ARIH1: variants seen among roughly 807,000 people sequenced by gnomAD.
ARIH1 encodes ariadne RBR E3 ubiquitin protein ligase 1.
In ARIH1, 8 loss-of-function variants were observed where a neutral mutation model predicts 85.0. That is an observed-to-expected ratio of 0.09 (90% CI 0.06 to 0.17). ARIH1 has a LOEUF of 0.17. Ranked by LOEUF, ARIH1 falls within the 10% of genes least tolerant of loss-of-function variation. The probability of loss-of-function intolerance (pLI) is 1.00; values close to 1 mark genes in which losing one functional copy is unlikely to be tolerated. For missense variants in ARIH1, 311 were observed against 718.1 expected, an observed-to-expected ratio of 0.43 and a Z score of 6.48; for synonymous variants, 238 against 253.6, an observed-to-expected ratio of 0.94 and a Z score of 0.59.
intron 5 of ARIH1, among the ~76,000 whole-genome samples, chr15:72,557,399 ATTTG>A (rs2064179045): frequency 6.6e-6 from 1 of 151,844 alleles, no homozygotes; most frequent in Admixed American, 6.6e-5. Flanking sequence ...AAATGGGGTT[ATTTG>A]TTTTTTGCTT....
chr15:72,538,075 G>A (rs2064090657), intron 2 of ARIH1, among the ~76,000 whole-genome samples: 1 of 152,130 alleles, frequency 6.6e-6, no homozygotes, highest in South Asian at 2.1e-4. Context: ...TTAAGAATAA[G>A]CATAGAGGCT....
chr15:72,580,119 C>A (rs892071571), intron 11 of ARIH1, among the ~76,000 whole-genome samples: 1 of 152,094 alleles, frequency 6.6e-6, no homozygotes, highest in Non-Finnish European at 1.5e-5. Context: ...CTCTGGTAAC[C>A]GTCATTATAC....
At position 72,499,218 on chromosome 15, in the gene ARIH1, C is replaced by T. The variant is rs77918673; in HGVS notation, c.376-18849C>T. ...CTCGAACTTCTGATCTCAAATGATC[C>T]ACCTGCCTTGGCCTCCCAAAGTGTT... is the stretch of plus-strand genomic sequence containing the variant. On this transcript the variant is annotated intron_variant, in intron 1 of 13. Transcript: ENST00000379887. Among the ~76,000 whole-genome samples, 1,138 of 152,008 alleles carry T rather than the reference C, an allele frequency of 7.5e-3. 10 individuals carry two copies. The highest frequency in any genetic ancestry group is 0.026 in the African/African-American group (1,065 of 41,462).
chr15:72,489,933 TAG>T (rs1239103462), intron 1 of ARIH1, among the ~76,000 whole-genome samples: 1 of 152,172 alleles, frequency 6.6e-6, no homozygotes, highest in African/African-American at 2.4e-5. Context: ...TGTGGATAAG[TAG>T]AGTCTTGTTA....
intron 2 of ARIH1, among the ~76,000 whole-genome samples, chr15:72,519,676 G>T (rs1214944992): frequency 6.6e-6 from 1 of 151,518 alleles, no homozygotes; most frequent in Non-Finnish European, 1.5e-5. Flanking sequence ...TAGAAATGAG[G>T]TTTCTCAGTG....
intron 11 of ARIH1, among the ~76,000 whole-genome samples, chr15:72,574,790 G>C (rs1230979644): frequency 6.6e-6 from 1 of 152,074 alleles, no homozygotes; most frequent in African/African-American, 2.4e-5. Context: ...TTATTTACTG[G>C]CTGGGCATGA....
intron 2 of ARIH1, among the ~76,000 whole-genome samples, chr15:72,536,797 A>C (rs2064083808): frequency 6.6e-6 from 1 of 152,144 alleles, no homozygotes; most frequent in African/African-American, 2.4e-5. Flanking sequence ...AGTAGTATTA[A>C]TTAGTAGCTG....
At position 72,593,286 on chromosome 15, in the gene ARIH1, T is replaced by C. The variant is rs1266994656; in HGVS notation, c.*9994T>C. ...GGTGTTATTCTTTGTATTTTGAATA[T>C]AAATCCTTTGATAGATATGCTATGA... On this transcript the variant is annotated 3_prime_UTR_variant, in exon 14 of 14. Transcript: ENST00000379887. 1 of 152,150 alleles carries C rather than the reference T, an allele frequency of 6.6e-6. No homozygotes were observed. The highest frequency in any genetic ancestry group is 1.5e-5 in the Non-Finnish European group (1 of 68,020). 9.4% of individuals were successfully genotyped at this position (152,150 alleles called of 1,614,324 possible).
intron 9 of ARIH1, 92 bp from the exon 10 acceptor site, chr15:72,570,085 A>C (rs993863737): frequency 1.4e-6 from 2 of 1,465,192 alleles, no homozygotes; most frequent in Non-Finnish European, 1.9e-6. Context: ...AAAATGTTTA[A>C]AAACAAACCA....
chr15:72,557,088 T>C (rs1436033226), intron 5 of ARIH1, among the ~76,000 whole-genome samples: 2 of 152,206 alleles, frequency 1.3e-5, no homozygotes, highest in East Asian at 1.9e-4. Context: ...CCAACATCTG[T>C]TATTTTTTTA....
At chr15:72,498,808 C>T (rs1448180266) in intron 1 of ARIH1, among the ~76,000 whole-genome samples, 1 of 150,906 alleles carries the variant, frequency 6.6e-6, no homozygotes, top group Non-Finnish European at 1.5e-5. Context: ...CCACTGCATT[C>T]CAGCCTGGGC....
chr15:72,563,530 G>A lies in ARIH1; in HGVS notation c.911+30G>A, dbSNP rs1419402171. On this transcript the variant is annotated intron_variant, in intron 7 of 13. Transcript: ENST00000379887. The stretch of plus-strand genomic sequence containing the variant: ...GCAAGTGATTTCCTAAATTGAAATA[G>A]TGCACAAAGCGTTTCCATTTCTCCT... 5 of 1,550,310 alleles carry A rather than the reference G, an allele frequency of 3.2e-6. No individual in the cohort carries two copies. The East Asian group carries it at 1.1e-4, about 35-fold the overall frequency.
chr15:72,482,958 A>C (rs2063822297), intron 1 of ARIH1, among the ~76,000 whole-genome samples: 1 of 151,084 alleles, frequency 6.6e-6, no homozygotes, highest in African/African-American at 2.4e-5. Context: ...CTCTTACCTC[A>C]GCCTCCTGAG....
chr15:72,488,854 A>G (rs1389651493), intron 1 of ARIH1, among the ~76,000 whole-genome samples: 3 of 152,216 alleles, frequency 2.0e-5, no homozygotes, highest in African/African-American at 7.2e-5. Flanking sequence ...CAAGCTTCTT[A>G]AGGTCCCTGA....
chr15:72,573,556 A>G (rs1015098603), intron 11 of ARIH1, among the ~76,000 whole-genome samples: 3 of 152,116 alleles, frequency 2.0e-5, no homozygotes, highest in Non-Finnish European at 2.9e-5. Flanking sequence ...CGCTAAATAA[A>G]TAAATAAATA....
chr15:72,488,105 G>A lies in ARIH1; in HGVS notation c.375+13091G>A, dbSNP rs570163782. ...GGCTGGAGTGCAGTGGCACGATCAC[G>A]GCTCACTACAGCCTTGAACTCCTGG... On this transcript the variant is annotated intron_variant, in intron 1 of 13. Coordinates refer to ENST00000379887, the MANE Select transcript of ARIH1 (RefSeq NM_005744.5). Among the ~76,000 whole-genome samples the A allele has an allele frequency of 4.2e-3, 639 of 152,002 alleles. 1 individual carries two copies. Among genetic ancestry groups the A allele is most frequent in the South Asian group, 0.016 (79 of 4,802 alleles).
At chr15:72,496,280 C>T (rs1028216073) in intron 1 of ARIH1, among the ~76,000 whole-genome samples, 4 of 152,092 alleles carry the variant, frequency 2.6e-5, no homozygotes, top group Admixed American at 2.6e-4. Flanking sequence ...TTGTTTTAAG[C>T]CCCCAAAGTT....
In ARIH1 at chr15:72,555,737, A is replaced by G. The variant is rs2064172057; in HGVS notation, c.682-115A>G. The G allele has an allele frequency of 6.0e-6, 5 of 827,928 alleles. No homozygotes were observed. The Admixed American group carries it at 1.1e-4, about 18-fold the overall frequency. The allele number at this position is 827,928 out of a possible 1,614,324, so 51.3% of individuals were successfully genotyped here. A position where few individuals can be genotyped will look rare whatever the true frequency, so the allele number is the denominator to read the frequency against. ...ATTTCCTTTAAGGAGAAAGGGAAGG[A>G]TTGAGATCCTGTAAACATTAAGGTA... On this transcript the variant is annotated intron_variant, in intron 4 of 13. Transcript: ENST00000379887.
chr15:72,538,104 C>T (rs1435577097), intron 2 of ARIH1, among the ~76,000 whole-genome samples: 1 of 152,188 alleles, frequency 6.6e-6, no homozygotes, highest in Non-Finnish European at 1.5e-5. Flanking sequence ...TAGCTCACAC[C>T]TGTAATCCCA....
Sources: allele counts gnomAD v4.1 joint callset (sites outside exome capture counted in the v4.1 genomes callset), GRCh38; gene constraint gnomAD v4.1.1; transcripts MANE v1.5; gene names NCBI Gene and HGNC (gene_info 2026-07-23, HGNC 2026-07-21).